Variants in CEP128 observed in about 807,000 individuals in gnomAD.
The protein encoded by CEP128 is centrosomal protein 128kDa.
Under a neutral mutation model 156.7 loss-of-function variants are expected in CEP128, and 132 were observed. The observed-to-expected ratio is 0.84, with a 90% confidence interval of 0.73 to 0.97. The LOEUF (loss-of-function observed/expected upper bound fraction) is 0.97. Among genes scored for constraint, CEP128 ranks in the 50% least tolerant of loss-of-function variants. The pLI is 0.00. For synonymous variants in CEP128, 469 were observed against 448.9 expected (o/e 1.04, Z -0.57); for missense variants, 1,252 against 1,281.9 (o/e 0.98, Z 0.36).
At chr14:80,907,175 A>G (rs1420554362) in intron 4 of CEP128, among the ~76,000 whole-genome samples, 4 of 152,112 alleles carry the variant, frequency 2.6e-5, no homozygotes, top group African/African-American at 9.7e-5. Context: ...CAGTCTGGCT[A>G]TTTGGATTTG....
chr14:80,798,664 C>A (rs893456173), intron 13 of CEP128, among the ~76,000 whole-genome samples: 3 of 152,208 alleles, frequency 2.0e-5, no homozygotes, highest in African/African-American at 7.2e-5. Flanking sequence ...GCGTAGAAAA[C>A]TACTTATCAT....
intron 2 of CEP128, among the ~76,000 whole-genome samples, chr14:80,957,346 T>C (rs1231939893): frequency 6.6e-6 from 1 of 152,072 alleles, no homozygotes; most frequent in African/African-American, 2.4e-5. Flanking sequence ...TCTACTTTCT[T>C]GTAACTTGTT....
rs1326703744 is a variant in CEP128, at chr14:80,777,819, A to G, written c.2376+63T>C. On this transcript the variant is annotated intron_variant, in intron 16 of 24. Transcript: ENST00000555265. ...ATTATCATTTGTTGATATATAAAATATTTTCTAGAGGAAATTAAAATTGAA... is the reference window on the plus strand; with the variant it reads ...ATTATCATTTGTTGATATATAAAATGTTTTCTAGAGGAAATTAAAATTGAA... 3 of 1,258,734 alleles carry G rather than the reference A, an allele frequency of 2.4e-6. No homozygotes were observed. The Admixed American group carries it at 6.2e-5, about 26-fold the overall frequency. The allele number at this position is 1,258,734 out of a possible 1,614,324, so 78.0% of individuals were successfully genotyped here. A position where few individuals can be genotyped will look rare whatever the true frequency, so the allele number is the denominator to read the frequency against.
intron 2 of CEP128, among the ~76,000 whole-genome samples, chr14:80,954,303 A>C (rs751046535): frequency 1.1e-4 from 17 of 152,064 alleles, no homozygotes; most frequent in Non-Finnish European, 2.2e-4. Flanking sequence ...AAATTTGTGC[A>C]TGTTGTATCA....
Position 80,731,338 on chromosome 14 carries a change from T to C in CEP128, c.2806+11737A>G, listed in dbSNP as rs569536196. On this transcript the variant is annotated intron_variant, in intron 19 of 24. Transcript: ENST00000555265. Reference sequence around the variant, plus strand: ...ACCTGCCCCCACTTCCCTCCCAGCCTAAGCTGCCTCAACTGTTAAATGGGA... The same window carrying C: ...ACCTGCCCCCACTTCCCTCCCAGCCCAAGCTGCCTCAACTGTTAAATGGGA... 2.6e-5 allele frequency among the ~76,000 whole-genome samples: 4 copies of C among 152,348 alleles called. No homozygotes were observed. The East Asian group carries it at 7.7e-4, about 29-fold the overall frequency.
chr14:80,943,696 A>C (rs1886256802), upstream of CEP128, among the ~76,000 whole-genome samples: 1 of 152,224 alleles, frequency 6.6e-6, no homozygotes, highest in East Asian at 1.9e-4. Flanking sequence ...CATCCCAAAA[A>C]AATGTAGTGA....
At chr14:80,863,700 T>G (rs1887629104) in intron 8 of CEP128, among the ~76,000 whole-genome samples, 1 of 152,210 alleles carries the variant, frequency 6.6e-6, no homozygotes, top group Non-Finnish European at 1.5e-5. Context: ...TTATAAGAAA[T>G]CTTTTGTCAC....
At chr14:80,672,647 T>G (rs901450261) in intron 19 of CEP128, among the ~76,000 whole-genome samples, 1 of 152,340 alleles carries the variant, frequency 6.6e-6, no homozygotes, top group East Asian at 1.9e-4. Flanking sequence ...TTCATGCCTA[T>G]TAAATAAAGA....
intron 21 of CEP128, among the ~76,000 whole-genome samples, chr14:80,549,498 A>C (rs903198500): frequency 4.6e-5 from 7 of 152,202 alleles, no homozygotes; most frequent in African/African-American, 1.7e-4. Flanking sequence ...CCTTGGCAAA[A>C]CCAAAAATGA....
chr14:80,678,047 A>T (rs59668478), intron 19 of CEP128, among the ~76,000 whole-genome samples: 836 of 68,016 alleles, frequency 0.012, 20 homozygotes, highest in African/African-American at 0.031. Context: ...CTATAAAAAA[A>T]AAATATATAT....
intron 23 of CEP128, among the ~76,000 whole-genome samples, chr14:80,516,059 G>T (rs1042269502): frequency 7.9e-5 from 12 of 152,184 alleles, no homozygotes; most frequent in African/African-American, 2.6e-4. Flanking sequence ...GTAGAAACAG[G>T]GTTTCATCAT....
intron 9 of CEP128, among the ~76,000 whole-genome samples, chr14:80,843,589 A>G (rs914090947): frequency 5.9e-5 from 9 of 152,082 alleles, no homozygotes; most frequent in African/African-American, 2.2e-4. Context: ...TTCTTACTAT[A>G]TTTTGTAATT....
chr14:80,858,015 T>C (rs1019032493), intron 9 of CEP128, among the ~76,000 whole-genome samples: 4 of 152,114 alleles, frequency 2.6e-5, no homozygotes, highest in African/African-American at 2.4e-5. Context: ...AAGCTACCAA[T>C]GACTTTCTTC....
chr14:80,842,805 G>T (rs969535360), intron 9 of CEP128, among the ~76,000 whole-genome samples: 3 of 151,900 alleles, frequency 2.0e-5, no homozygotes, highest in African/African-American at 7.2e-5. Flanking sequence ...AAGCTTGTTT[G>T]TCTCCTAAGA....
At chr14:80,662,620 ATGTAACTATATTC>A (rs1566841668) in intron 19 of CEP128, among the ~76,000 whole-genome samples, 1 of 152,196 alleles carries the variant, frequency 6.6e-6, no homozygotes, top group Non-Finnish European at 1.5e-5. Flanking sequence ...AGAGTTGTCT[ATGTAACTATATTC>A]TGTAGCTTAT....
chr14:80,762,678 C>T (rs1003480096), intron 16 of CEP128, among the ~76,000 whole-genome samples: 1 of 152,194 alleles, frequency 6.6e-6, no homozygotes, highest in Non-Finnish European at 1.5e-5. Flanking sequence ...GCCTCATCTT[C>T]CTCCTTTCCA....
At chr14:80,640,461 A>G (rs574736639) in intron 19 of CEP128, among the ~76,000 whole-genome samples, 4 of 152,158 alleles carry the variant, frequency 2.6e-5, no homozygotes, top group Admixed American at 6.5e-5. Context: ...TCTGAGTCCA[A>G]TGGACATTTT....
At chr14:80,913,388 T>C (rs528060659) in intron 4 of CEP128, among the ~76,000 whole-genome samples, 3 of 152,360 alleles carry the variant, frequency 2.0e-5, no homozygotes, top group Non-Finnish European at 4.4e-5. Context: ...TATTAAATTT[T>C]AAAACGTTGT....
chr14:80,929,052 G>T (rs1885302539), intron 2 of CEP128, among the ~76,000 whole-genome samples: 1 of 151,466 alleles, frequency 6.6e-6, no homozygotes, highest in African/African-American at 2.4e-5. Flanking sequence ...CTATTAAAAA[G>T]TGGGCAAATG....
Sources: gnomAD v4.1 joint callset for allele counts (sites outside exome capture counted in the v4.1 genomes callset) on GRCh38, gnomAD v4.1.1 for gene constraint, MANE v1.5 for transcripts, NCBI Gene and HGNC (gene_info 2026-07-23, HGNC 2026-07-21) for gene names.